Variants in HCFC2 observed in about 807,000 individuals in gnomAD.
HCFC2 encodes host cell factor 2.
A neutral mutation model predicts 89.2 loss-of-function variants in HCFC2; 18 were observed. That is an observed-to-expected ratio of 0.20 (90% CI 0.14 to 0.30). HCFC2 has a LOEUF of 0.30. Ranked by LOEUF, HCFC2 falls within the 10% of genes least tolerant of loss-of-function variation. HCFC2 has a pLI of 1.00. For synonymous variants in HCFC2, 308 were observed against 335.7 expected, an observed-to-expected ratio of 0.92 and a Z score of 0.90; for missense variants, 578 against 956.1, an observed-to-expected ratio of 0.60 and a Z score of 5.21.
At position 104,103,455 on chromosome 12, in the gene HCFC2, A is replaced by C. The variant is rs2030009102; in HGVS notation, c.*182A>C. 1.8e-6 allele frequency: 1 copy of C among 569,382 alleles called. No homozygotes were observed. The highest frequency in any genetic ancestry group is 3.0e-6 in the Non-Finnish European group (1 of 328,124). 35.3% of individuals were successfully genotyped at this position (569,382 alleles called of 1,614,324 possible). ...TCCAAATAAAAGAAAAGAAGCAAAG[A>C]CTCTCTGAAAATTAGTATATGAGTT... On this transcript the variant is annotated 3_prime_UTR_variant, in exon 15 of 15. Transcript: ENST00000229330.
rs375640083 is a variant in HCFC2, at chr12:104,067,581, T to C, written c.313-366T>C. On this transcript the variant is annotated intron_variant, in intron 2 of 14. Coordinates refer to ENST00000229330, the MANE Select transcript of HCFC2 (RefSeq NM_013320.3). ...TATGTTTACCTTTAAAAGGTTAAAA[T>C]ATTTACCATTCATGGATTACCTTTT... Among the ~76,000 whole-genome samples, 24 of 152,380 alleles carry C rather than the reference T, an allele frequency of 1.6e-4. No homozygotes were observed. The East Asian group carries it at 2.9e-3, about 18-fold the overall frequency.
At chr12:104,065,037 T>G (rs1186122193) in intron 1 of HCFC2, 6 of 271,784 alleles carry the variant, frequency 2.2e-5, no homozygotes, top group Non-Finnish European at 3.4e-5. Flanking sequence ...TCCAACCGCC[T>G]GGGCCACTCC....
chr12:104,102,954 T>G lies in HCFC2; in HGVS notation c.2065-5T>G, dbSNP rs771755810. On this transcript the variant is annotated splice_polypyrimidine_tract_variant and splice_region_variant and intron_variant, in intron 14 of 14. Transcript: ENST00000229330. Reference sequence around the variant, plus strand: ...TTTAACCTGTTTTTTCCCCCCCCCTTCAAGAATGTTGAAGGTATCCACCTT... The same window carrying G: ...TTTAACCTGTTTTTTCCCCCCCCCTGCAAGAATGTTGAAGGTATCCACCTT... The G allele has an allele frequency of 1.3e-6, 2 of 1,587,140 alleles. No homozygotes were observed. Among genetic ancestry groups the G allele is most frequent in the African/African-American group, 1.3e-5 (1 of 74,438 alleles).
At chr12:104,083,921 G>A (rs1322891568) in intron 7 of HCFC2, among the ~76,000 whole-genome samples, 1 of 152,082 alleles carries the variant, frequency 6.6e-6, no homozygotes, top group Non-Finnish European at 1.5e-5. Context: ...CTTCTTGGGA[G>A]GCTGAGGCAA....
rs557987844 is a variant in HCFC2, at chr12:104,085,134, G to A, written c.1064-1713G>A. Among the ~76,000 whole-genome samples, 417 of 152,270 alleles carry A rather than the reference G, an allele frequency of 2.7e-3. 2 individuals are homozygous for A. Among genetic ancestry groups the A allele is most frequent in the Non-Finnish European group, 4.3e-3 (290 of 68,014 alleles). Reference sequence around the variant, plus strand: ...TTTCAAAATTATAAATAGAAAACTTGGAAGGACACACACCAAAGCATTATC... The same window carrying A: ...TTTCAAAATTATAAATAGAAAACTTAGAAGGACACACACCAAAGCATTATC... On this transcript the variant is annotated intron_variant, in intron 7 of 14. Transcript: ENST00000229330.
In HCFC2 at chr12:104,080,774, T is replaced by C; in HGVS notation, c.711T>C (p.Thr237=). The C allele has an allele frequency of 6.2e-7, 1 of 1,608,840 alleles. No individual in the cohort carries two copies. The highest frequency in any genetic ancestry group is 8.5e-7 in the Non-Finnish European group (1 of 1,177,790). Residue 237 remains threonine (T), a synonymous_variant, in exon 5 of 15, where the codon ACT becomes ACC. Coordinates refer to ENST00000229330, the MANE Select transcript of HCFC2 (RefSeq NM_013320.3). ...LETMSWSKPE[T]KGTVPLPRSL... ...CTATGTCATGGTCAAAACCAGAAAC[T>C]AAAGGGACAGTGCCACTTCCACGAA...
chr12:104,089,658 C>T (rs1412953157), intron 9 of HCFC2, among the ~76,000 whole-genome samples: 4 of 152,192 alleles, frequency 2.6e-5, no homozygotes, highest in East Asian at 1.9e-4. Context: ...GCCTCATCCC[C>T]TCCTTTCCTG....
chr12:104,099,434 T>G (rs1884274689), intron 13 of HCFC2, among the ~76,000 whole-genome samples: 1 of 152,068 alleles, frequency 6.6e-6, no homozygotes, highest in Admixed American at 6.6e-5. Flanking sequence ...ATCACAAGCA[T>G]GTCATTTAAA....
rs558404866 is a variant in HCFC2, at chr12:104,093,344, T to C, written c.1285-42T>C. On this transcript the variant is annotated intron_variant, in intron 9 of 14. Coordinates refer to ENST00000229330, the MANE Select transcript of HCFC2 (RefSeq NM_013320.3). ...GTTTTTTACATGTATTTGTATTTCA[T>C]TGAATATTGCTTACTACAGTAATCT... 6 of 1,373,158 alleles carry C rather than the reference T, an allele frequency of 4.4e-6. No individual in the cohort carries two copies. The Admixed American group carries it at 7.3e-5, about 17-fold the overall frequency. 85.1% of individuals were successfully genotyped at this position (1,373,158 alleles called of 1,614,324 possible).
Position 104,067,939 on chromosome 12 carries a change from T to C in HCFC2, c.313-8T>C. The C allele has an allele frequency of 6.4e-7, 1 of 1,573,660 alleles. No homozygotes were observed. Among genetic ancestry groups the C allele is most frequent in the Non-Finnish European group, 8.6e-7 (1 of 1,167,718 alleles). On this transcript the variant is annotated splice_polypyrimidine_tract_variant and splice_region_variant and intron_variant, in intron 2 of 14. Coordinates refer to ENST00000229330, the MANE Select transcript of HCFC2 (RefSeq NM_013320.3). Reference sequence around the variant, plus strand: ...GTCTGACTGTATTTGTGCCCTTTTTTTTTTTAGGCAAGTCGTTGGTTATGG... The same window carrying C: ...GTCTGACTGTATTTGTGCCCTTTTTCTTTTTAGGCAAGTCGTTGGTTATGG...
At chr12:104,083,280 A>G (rs1883738577) in intron 7 of HCFC2, among the ~76,000 whole-genome samples, 1 of 152,230 alleles carries the variant, frequency 6.6e-6, no homozygotes, top group Non-Finnish European at 1.5e-5. Context: ...GTGATAAGTG[A>G]AAGTACCTCG....
In HCFC2 at chr12:104,080,585, G is replaced by A. The variant is rs185219272; in HGVS notation, c.683-161G>A. 39 of 455,648 alleles carry A rather than the reference G, an allele frequency of 8.6e-5. No homozygotes were observed. In the Admixed American group the frequency reaches 1.4e-3, roughly 17 times the overall value. The allele number at this position is 455,648 out of a possible 1,614,324, so 28.2% of individuals were successfully genotyped here. ...AGTGTAAATAAATTTCTGATTGGCA[G>A]TTTATGTAAGCTGGAAATGTTTAAG... On this transcript the variant is annotated intron_variant, in intron 4 of 14. Transcript: ENST00000229330.
chr12:104,081,318 C>T (rs1883676744), intron 5 of HCFC2, among the ~76,000 whole-genome samples: 1 of 152,154 alleles, frequency 6.6e-6, no homozygotes. Flanking sequence ...CCTCACTTTC[C>T]TTAAGTATAC....
At position 104,086,896 on chromosome 12, in the gene HCFC2, C is replaced by T. The variant is rs1430856779; in HGVS notation, c.1113C>T (p.Asn371=). The T allele has an allele frequency of 6.2e-7, 1 of 1,613,976 alleles. No homozygotes were observed. Residue 371 remains asparagine, a synonymous_variant, in exon 8 of 15, where the codon AAC becomes AAT. Transcript: ENST00000229330. ...SQVQLIKATT[N]SFHVKWDEVS... ...TACAGCTGATCAAAGCCACTACCAA[C>T]TCCTTTCATGTCAAGTGGGATGAAG...
At chr12:104,070,801 CTT>C (rs35437369) in intron 3 of HCFC2, among the ~76,000 whole-genome samples, 2 of 125,008 alleles carry the variant, frequency 1.6e-5, no homozygotes, top group Non-Finnish European at 3.4e-5. Flanking sequence ...ATACTTTTTA[CTT>C]TTTTTTTTTT....
chr12:104,086,102 A>T (rs1170804337), intron 7 of HCFC2, among the ~76,000 whole-genome samples: 2 of 149,194 alleles, frequency 1.3e-5, no homozygotes, highest in African/African-American at 2.5e-5. Context: ...GATTCAAGTG[A>T]TTCTTCTGCC....
At chr12:104,078,813 A>C (rs1883591401) in intron 3 of HCFC2, among the ~76,000 whole-genome samples, 1 of 152,200 alleles carries the variant, frequency 6.6e-6, no homozygotes, top group Non-Finnish European at 1.5e-5. Flanking sequence ...CTGGGCAGTC[A>C]GCTGAGAAGG....
intron 4 of HCFC2, among the ~76,000 whole-genome samples, chr12:104,080,202 C>G (rs1334488111): frequency 6.6e-6 from 1 of 152,156 alleles, no homozygotes; most frequent in Non-Finnish European, 1.5e-5. Flanking sequence ...CAATTGGTGG[C>G]ACCCTAAGCA....
At chr12:104,086,785 T>C in intron 7 of HCFC2, 62 bp from the exon 8 acceptor site, 11 of 1,466,640 alleles carry the variant, frequency 7.5e-6, no homozygotes, top group Non-Finnish European at 1.0e-5. Context: ...CCACACAAAT[T>C]ATATCAGCAA....
Sources: allele counts gnomAD v4.1 joint callset (sites outside exome capture counted in the v4.1 genomes callset), GRCh38; gene constraint gnomAD v4.1.1; transcripts MANE v1.5; gene names NCBI Gene and HGNC (gene_info 2026-07-23, HGNC 2026-07-21).